Variants in PDE8A observed in about 807,000 individuals in gnomAD.
The protein encoded by PDE8A is high affinity cAMP-specific and IBMX-insensitive 3',5'-cyclic phosphodiesterase 8A.
A neutral mutation model predicts 105.0 loss-of-function variants in PDE8A; 59 were observed. The observed-to-expected ratio is 0.56, with a 90% CI of 0.46 to 0.70. The LOEUF (loss-of-function observed/expected upper bound fraction) is 0.70. Among genes scored for constraint, PDE8A ranks in the 30% least tolerant of loss-of-function variants. The pLI, the probability that PDE8A is intolerant of heterozygous loss-of-function variation, is 0.00. For missense variants in PDE8A, 1,014 were observed against 1,045.9 expected (o/e 0.97, Z 0.42); for synonymous variants, 355 against 371.9 (o/e 0.95, Z 0.52).
chr15:85,065,935 C>T (rs1567261046), intron 2 of PDE8A, among the ~76,000 whole-genome samples: 1 of 152,224 alleles, frequency 6.6e-6, no homozygotes. Flanking sequence ...CAGATGCTAC[C>T]TCTTGCACCT....
At chr15:84,989,386 C>T (rs2079851411) in intron 1 of PDE8A, among the ~76,000 whole-genome samples, 1 of 152,226 alleles carries the variant, frequency 6.6e-6, no homozygotes, top group Admixed American at 6.5e-5. Flanking sequence ...TGCCTTCTCC[C>T]TTTCATGTCC....
chr15:85,133,597 G>A (rs1233150272), intron 20 of PDE8A, among the ~76,000 whole-genome samples: 2 of 152,190 alleles, frequency 1.3e-5, no homozygotes, highest in African/African-American at 2.4e-5. Context: ...GTTTTCCAGA[G>A]TTCCTGTAAG....
chr15:84,987,878 TAA>T, intron 1 of PDE8A, among the ~76,000 whole-genome samples: 1 of 151,962 alleles, frequency 6.6e-6, no homozygotes, highest in Non-Finnish European at 1.5e-5. Flanking sequence ...TAAAAAATTT[TAA>T]AAAAAAGAAC....
chr15:85,046,229 A>G (rs1362055644), intron 1 of PDE8A, among the ~76,000 whole-genome samples: 2 of 151,950 alleles, frequency 1.3e-5, no homozygotes, highest in South Asian at 2.1e-4. Flanking sequence ...TTGTATTTTT[A>G]GTAGAGACAG....
At chr15:85,023,350 G>A (rs1255173962) in intron 1 of PDE8A, among the ~76,000 whole-genome samples, 1 of 152,180 alleles carries the variant, frequency 6.6e-6, no homozygotes, top group Non-Finnish European at 1.5e-5. Flanking sequence ...CTCCCGCAGT[G>A]GTTATCAGCT....
chr15:85,030,576 C>G lies in PDE8A; in HGVS notation c.187-33794C>G, dbSNP rs143751916. On this transcript the variant is annotated intron_variant, in intron 1 of 21. Transcript: ENST00000394553. Reference sequence around the variant, plus strand: ...GCTGCAGCACTGTTAATTGATGAGACCCAACTAGGCCCTCTGTCATCTGAC... The same window carrying G: ...GCTGCAGCACTGTTAATTGATGAGAGCCAACTAGGCCCTCTGTCATCTGAC... Among the ~76,000 whole-genome samples, 1,502 of 152,266 alleles carry G rather than the reference C, an allele frequency of 9.9e-3. 17 individuals carry two copies. The highest frequency in any genetic ancestry group is 0.068 in the Middle Eastern group (20 of 294).
chr15:85,054,436 A>G (rs1354833810), intron 1 of PDE8A, among the ~76,000 whole-genome samples: 3 of 152,142 alleles, frequency 2.0e-5, no homozygotes, highest in Admixed American at 2.0e-4. Flanking sequence ...TCAGCTGTGA[A>G]TCCATCAGGT....
intron 2 of PDE8A, among the ~76,000 whole-genome samples, chr15:85,066,686 C>T (rs752739185): frequency 2.6e-5 from 4 of 151,236 alleles, no homozygotes; most frequent in Non-Finnish European, 5.9e-5. Context: ...CGCCTGTAAT[C>T]CCAACACTTT....
At chr15:85,076,927 TC>T in intron 5 of PDE8A, 140 bp downstream of exon 5, 1 of 600,616 alleles carries the variant, frequency 1.7e-6, no homozygotes, top group Non-Finnish European at 3.0e-6. Context: ...ATACCTGTAA[TC>T]CCAGCACTTT....
chr15:84,999,466 C>T (rs2080031755), intron 1 of PDE8A, among the ~76,000 whole-genome samples: 1 of 152,180 alleles, frequency 6.6e-6, no homozygotes. Context: ...ATTCATTCAG[C>T]AAACCTTTGG....
chr15:85,068,306 C>A (rs2081262249), intron 3 of PDE8A, among the ~76,000 whole-genome samples: 1 of 152,144 alleles, frequency 6.6e-6, no homozygotes, highest in South Asian at 2.1e-4. Flanking sequence ...TCCCAAAGTG[C>A]TGGGATTACA....
chr15:85,123,337 TACACACACACACACACAC>T (rs58421452), intron 19 of PDE8A, 144 bp downstream of exon 19: 26,708 of 329,884 alleles, frequency 0.081, 872 homozygotes, highest in Middle Eastern at 0.13. Flanking sequence ...ACTAATGGGA[TACACACACACACACACAC>T]ACACACACAC....
chr15:85,065,103 A>G (rs1353285477), intron 2 of PDE8A, among the ~76,000 whole-genome samples: 1 of 152,202 alleles, frequency 6.6e-6, no homozygotes, highest in Non-Finnish European at 1.5e-5. Context: ...TGATGAATGT[A>G]GAGAAAGGGC....
At chr15:85,030,722 T>C (rs2080600810) in intron 1 of PDE8A, among the ~76,000 whole-genome samples, 1 of 152,132 alleles carries the variant, frequency 6.6e-6, no homozygotes, top group Admixed American at 6.5e-5. Context: ...ACATAATATT[T>C]TCTCTTTCTA....
chr15:85,105,608 G>A (rs570779281), intron 11 of PDE8A, among the ~76,000 whole-genome samples: 3 of 152,240 alleles, frequency 2.0e-5, no homozygotes, highest in African/African-American at 7.2e-5. Flanking sequence ...AGCAGGTCAA[G>A]GAAATGCTAT....
At chr15:85,013,821 G>A (rs926215771) in intron 1 of PDE8A, among the ~76,000 whole-genome samples, 2 of 152,148 alleles carry the variant, frequency 1.3e-5, no homozygotes, top group African/African-American at 4.8e-5. Flanking sequence ...GTGGGCCAGC[G>A]GATTCACTTC....
upstream of PDE8A, chr15:84,980,675 GCCA>G (rs919068145): frequency 2.0e-5 from 3 of 152,414 alleles, no homozygotes; most frequent in Non-Finnish European, 4.4e-5. Flanking sequence ...AGGAGCCCCA[GCCA>G]CCAAGAAGTT....
rs1236565266 is a variant in PDE8A at position 85,138,182 on chromosome 15, G to A, written c.*279G>A. ...TGCCTCAGTTTCTGGTAAAACACAAGGTCTGGAGTGCCCCTGCAAAGGGTA... is the reference window on the plus strand; with the variant it reads ...TGCCTCAGTTTCTGGTAAAACACAAAGTCTGGAGTGCCCCTGCAAAGGGTA... On this transcript the variant is annotated 3_prime_UTR_variant, in exon 22 of 22. Coordinates refer to ENST00000394553, the MANE Select transcript of PDE8A (RefSeq NM_002605.3). 2 of 327,042 alleles carry A rather than the reference G, an allele frequency of 6.1e-6. No individual in the cohort carries two copies. 20.3% of individuals were successfully genotyped at this position (327,042 alleles called of 1,614,324 possible). A position where few individuals can be genotyped will look rare whatever the true frequency, so the allele number is the denominator to read the frequency against.
intron 20 of PDE8A, among the ~76,000 whole-genome samples, chr15:85,136,030 A>G (rs1295731551): frequency 6.6e-6 from 1 of 152,130 alleles, no homozygotes; most frequent in Non-Finnish European, 1.5e-5. Context: ...GGAGTGAGAA[A>G]AGAACAGATC....
Sources: allele counts gnomAD v4.1 joint callset (sites outside exome capture counted in the v4.1 genomes callset), GRCh38; gene constraint gnomAD v4.1.1; transcripts MANE v1.5; gene names NCBI Gene and HGNC (gene_info 2026-07-23, HGNC 2026-07-21).